Variants in LHFPL3 observed in about 807,000 individuals in gnomAD.
The protein encoded by LHFPL3 is LHFPL tetraspan subfamily member 3 protein.
A neutral mutation model predicts 19.3 loss-of-function variants in LHFPL3; 5 were observed. The ratio of observed to expected loss-of-function variants is 0.26; its 90% CI spans 0.14 to 0.54. The LOEUF is 0.54. LHFPL3 is among the 20% of genes least tolerant of loss of function. The pLI is 0.94. For synonymous variants in LHFPL3, 133 were observed against 126.2 expected, an observed-to-expected ratio of 1.05 and a Z score of -0.36; for missense variants, 249 against 307.4, an observed-to-expected ratio of 0.81 and a Z score of 1.42.
At chr7:104,345,489 A>T (rs1790048232) in intron 1 of LHFPL3, among the ~76,000 whole-genome samples, 1 of 152,136 alleles carries the variant, frequency 6.6e-6, no homozygotes, top group African/African-American at 2.4e-5. Flanking sequence ...TGACCTGTTT[A>T]TCTATGCTGA....
chr7:104,709,799 C>T lies in LHFPL3; in HGVS notation c.446-26876C>T, dbSNP rs376341029. On this transcript the variant is annotated intron_variant, in intron 1 of 2. Coordinates refer to ENST00000424859, the MANE Select transcript of LHFPL3 (RefSeq NM_199000.3). Reference sequence around the variant, plus strand: ...GCAGAGGGGCTCCTCACTTCCTAGACGGGATGGCGGCTGCGAAGAGGCGTT... The same window carrying T: ...GCAGAGGGGCTCCTCACTTCCTAGATGGGATGGCGGCTGCGAAGAGGCGTT... Among the ~76,000 whole-genome samples the T allele has an allele frequency of 9.5e-3, 1,379 of 145,822 alleles. 17 individuals are homozygous for T. Among genetic ancestry groups the T allele is most frequent in the African/African-American group, 0.032 (1,249 of 39,612 alleles).
At chr7:104,496,600 T>C (rs1011939796) in intron 1 of LHFPL3, among the ~76,000 whole-genome samples, 1 of 152,194 alleles carries the variant, frequency 6.6e-6, no homozygotes, top group Non-Finnish European at 1.5e-5. Context: ...TGTAAAAGTG[T>C]TCCTATTTCT....
chr7:104,451,139 G>C (rs12705214), intron 1 of LHFPL3, among the ~76,000 whole-genome samples: 119,325 of 152,162 alleles, frequency 0.78, 47,094 homozygotes, highest in East Asian at 0.82. Flanking sequence ...AACTATAGAT[G>C]TAGATTTTTC....
At chr7:104,663,974 A>T (rs1792278599) in intron 1 of LHFPL3, among the ~76,000 whole-genome samples, 1 of 152,210 alleles carries the variant, frequency 6.6e-6, no homozygotes, top group Non-Finnish European at 1.5e-5. Context: ...TAGCTAGCAG[A>T]TCCACCTGGA....
intron 2 of LHFPL3, among the ~76,000 whole-genome samples, chr7:104,794,459 G>C (rs1348135756): frequency 2.0e-5 from 3 of 152,210 alleles, no homozygotes; most frequent in Non-Finnish European, 4.4e-5. Context: ...GGCTGATGTT[G>C]ATAGCAAAGA....
At chr7:104,456,357 A>C (rs1792540875) in intron 1 of LHFPL3, among the ~76,000 whole-genome samples, 1 of 152,192 alleles carries the variant, frequency 6.6e-6, no homozygotes, top group Non-Finnish European at 1.5e-5. Flanking sequence ...ACTTTTAAAA[A>C]ATATTTAAGA....
chr7:104,518,850 A>AGATAGAAAG (rs748597414), intron 1 of LHFPL3, among the ~76,000 whole-genome samples: 230 of 140,082 alleles, frequency 1.6e-3, no homozygotes, highest in African/African-American at 5.3e-3. Flanking sequence ...TAGATAGAAT[A>AGATAGAAAG]AATAAAAAAA....
intron 2 of LHFPL3, among the ~76,000 whole-genome samples, chr7:104,898,061 G>A (rs965124492): frequency 2.3e-5 from 3 of 131,308 alleles, no homozygotes; most frequent in African/African-American, 5.8e-5. Flanking sequence ...CCAGGCTGGA[G>A]TACAGTGGCA....
chr7:104,668,807 C>T, intron 1 of LHFPL3: 1 of 1,602,178 alleles, frequency 6.2e-7, no homozygotes, highest in Non-Finnish European at 8.5e-7. Flanking sequence ...CCAGTCCACT[C>T]GAGCTGCTTC....
At chr7:104,665,453 G>C (rs1265749989) in intron 1 of LHFPL3, among the ~76,000 whole-genome samples, 1 of 152,086 alleles carries the variant, frequency 6.6e-6, no homozygotes, top group Non-Finnish European at 1.5e-5. Flanking sequence ...ACCATATTCA[G>C]GCTTTTTTAA....
chr7:104,771,525 T>C (rs1794550786), intron 2 of LHFPL3, among the ~76,000 whole-genome samples: 1 of 152,126 alleles, frequency 6.6e-6, no homozygotes, highest in Admixed American at 6.6e-5. Flanking sequence ...GTTCTACAGG[T>C]TTTTGGAAAT....
chr7:104,763,450 A>G (rs1794408808), intron 2 of LHFPL3, among the ~76,000 whole-genome samples: 1 of 152,220 alleles, frequency 6.6e-6, no homozygotes, highest in Admixed American at 6.5e-5. Flanking sequence ...TCACTGAACT[A>G]TATTGTTTTC....
chr7:104,514,299 A>G lies in LHFPL3; in HGVS notation c.445+185075A>G, dbSNP rs56691751. ...CATTCAGCCTTCACTTTTTCAGAGA[A>G]GTCAGCCTCTTAGGCTACCATGAAC... On this transcript the variant is annotated intron_variant, in intron 1 of 2. Coordinates refer to ENST00000424859, the MANE Select transcript of LHFPL3 (RefSeq NM_199000.3). Among the ~76,000 whole-genome samples, 1,010 of 152,242 alleles carry G rather than the reference A, an allele frequency of 6.6e-3. 11 individuals carry two copies. Among genetic ancestry groups the G allele is most frequent in the African/African-American group, 0.023 (942 of 41,518 alleles).
intron 1 of LHFPL3, among the ~76,000 whole-genome samples, chr7:104,533,869 A>G (rs1794348348): frequency 6.6e-6 from 1 of 152,100 alleles, no homozygotes; most frequent in Non-Finnish European, 1.5e-5. Context: ...ATATTGTCCT[A>G]TGAGGTCTTG....
chr7:104,705,501 T>A (rs942050963), intron 1 of LHFPL3, among the ~76,000 whole-genome samples: 16 of 152,234 alleles, frequency 1.1e-4, no homozygotes, highest in African/African-American at 3.6e-4. Context: ...TAGTATTTGT[T>A]AGAGTTCTCT....
At position 104,632,390 on chromosome 7, in the gene LHFPL3, G is replaced by A. The variant is rs79317258; in HGVS notation, c.446-104285G>A. On this transcript the variant is annotated intron_variant, in intron 1 of 2. Coordinates refer to ENST00000424859, the MANE Select transcript of LHFPL3 (RefSeq NM_199000.3). ...TGTAGACGTTGTTATTTTAATAAAA[G>A]GAAAGAATTTGATGGTTCATTTTAA... Among the ~76,000 whole-genome samples the A allele has an allele frequency of 7.1e-4, 108 of 152,200 alleles. No individual in the cohort carries two copies. The East Asian group carries it at 0.02, about 28-fold the overall frequency.
At chr7:104,374,431 G>A (rs1419200992) in intron 1 of LHFPL3, among the ~76,000 whole-genome samples, 1 of 151,914 alleles carries the variant, frequency 6.6e-6, no homozygotes, top group Admixed American at 6.6e-5. Flanking sequence ...TAGTAGAGAC[G>A]GGGTTTCACC....
intron 1 of LHFPL3, among the ~76,000 whole-genome samples, chr7:104,344,601 T>G (rs1264135196): frequency 6.6e-6 from 1 of 152,244 alleles, no homozygotes; most frequent in East Asian, 1.9e-4. Flanking sequence ...ATTTCATTCT[T>G]TTTTATGGCT....
At chr7:104,491,056 G>C (rs1584355929) in intron 1 of LHFPL3, among the ~76,000 whole-genome samples, 1 of 152,142 alleles carries the variant, frequency 6.6e-6, no homozygotes, top group South Asian at 2.1e-4. Flanking sequence ...ACTCCTAGAA[G>C]ATCCTGGTCT....
Sources: allele counts gnomAD v4.1 joint callset (sites outside exome capture counted in the v4.1 genomes callset), GRCh38; gene constraint gnomAD v4.1.1; transcripts MANE v1.5; gene names NCBI Gene and HGNC (gene_info 2026-07-23, HGNC 2026-07-21).